Variants in ITFG1 observed in about 807,000 individuals in gnomAD.
ITFG1 encodes T-cell immunomodulatory protein.
A neutral mutation model predicts 81.8 loss-of-function variants in ITFG1; 34 were observed. That is an observed-to-expected ratio of 0.42 (90% CI 0.32 to 0.55). The LOEUF is 0.55. Ranked by LOEUF, ITFG1 falls within the 20% of genes least tolerant of loss-of-function variation. The pLI, the probability that ITFG1 is intolerant of heterozygous loss-of-function variation, is 0.17. For missense variants in ITFG1, 672 were observed against 755.4 expected (o/e 0.89, Z 1.29); for synonymous variants, 285 against 270.6 (o/e 1.05, Z -0.52).
Position 47,287,755 on chromosome 16 carries a change from T to C in ITFG1, c.1070+23485A>G, listed in dbSNP as rs143557576. 1.6e-3 allele frequency among the ~76,000 whole-genome samples: 241 copies of C among 152,278 alleles called. 1 individual carries two copies. Among genetic ancestry groups the C allele is most frequent in the African/African-American group, 5.3e-3 (222 of 41,556 alleles). ...GTGAGTGTGAAGTGGTATCTAATTG[T>C]GGTTTTGTTTTGAATTTCACGAATG... On this transcript the variant is annotated intron_variant, in intron 10 of 17. Transcript: ENST00000320640.
chr16:47,233,564 T>C (rs922758323), intron 13 of ITFG1, among the ~76,000 whole-genome samples: 5 of 152,238 alleles, frequency 3.3e-5, no homozygotes, highest in Non-Finnish European at 5.9e-5. Context: ...TTCTGAAATA[T>C]GCCCAGAGCT....
chr16:47,204,160 T>C (rs973364268), intron 14 of ITFG1, among the ~76,000 whole-genome samples: 1 of 152,148 alleles, frequency 6.6e-6, no homozygotes, highest in Admixed American at 6.5e-5. Context: ...CCAATACATA[T>C]ATTATTAGCA....
chr16:47,441,797 C>A (rs1203681312), intron 5 of ITFG1, among the ~76,000 whole-genome samples: 4 of 152,226 alleles, frequency 2.6e-5, no homozygotes, highest in South Asian at 4.2e-4. Flanking sequence ...TCTCACCACT[C>A]CTATTCAACA....
chr16:47,240,256 A>G (rs977554675), intron 12 of ITFG1, among the ~76,000 whole-genome samples: 1 of 149,290 alleles, frequency 6.7e-6, no homozygotes, highest in Non-Finnish European at 1.5e-5. Flanking sequence ...AGATCACGCT[A>G]CTGCACTCCA....
At chr16:47,186,500 AG>A (rs1366785266) in intron 14 of ITFG1, among the ~76,000 whole-genome samples, 2 of 152,234 alleles carry the variant, frequency 1.3e-5, no homozygotes, top group Non-Finnish European at 1.5e-5. Flanking sequence ...ACAGAACCAA[AG>A]ACAAAAACCA....
At chr16:47,355,260 G>A (rs1189636383) in intron 8 of ITFG1, among the ~76,000 whole-genome samples, 2 of 152,068 alleles carry the variant, frequency 1.3e-5, no homozygotes, top group African/African-American at 4.8e-5. Flanking sequence ...TGAACCTGGA[G>A]GTCATTATGT....
intron 10 of ITFG1, among the ~76,000 whole-genome samples, chr16:47,292,509 T>C (rs1005898819): frequency 2.0e-5 from 3 of 152,170 alleles, no homozygotes; most frequent in Non-Finnish European, 4.4e-5. Context: ...TGTGCAGACT[T>C]TTCTCCCTTT....
intron 8 of ITFG1, among the ~76,000 whole-genome samples, chr16:47,345,557 CA>C (rs1472423851): frequency 6.6e-6 from 1 of 152,066 alleles, no homozygotes; most frequent in Non-Finnish European, 1.5e-5. Flanking sequence ...CCTTGGCCTC[CA>C]AAAGTGCTGG....
At chr16:47,306,205 G>A (rs1967156033) in intron 10 of ITFG1, among the ~76,000 whole-genome samples, 1 of 151,960 alleles carries the variant, frequency 6.6e-6, no homozygotes, top group African/African-American at 2.4e-5. Context: ...GGAAGAAAAT[G>A]TTGAATAATC....
intron 14 of ITFG1, among the ~76,000 whole-genome samples, chr16:47,213,646 T>C (rs1965591513): frequency 6.6e-6 from 1 of 152,158 alleles, no homozygotes; most frequent in African/African-American, 2.4e-5. Flanking sequence ...TGATTACTAA[T>C]GGCCAGTAAT....
intron 10 of ITFG1, among the ~76,000 whole-genome samples, chr16:47,291,849 C>T (rs764844408): frequency 4.0e-5 from 6 of 151,848 alleles, no homozygotes; most frequent in Admixed American, 2.6e-4. Context: ...ATCTAAGTCT[C>T]GTATTGTTTT....
At chr16:47,375,576 G>T (rs1169611960) in intron 7 of ITFG1, among the ~76,000 whole-genome samples, 2 of 152,080 alleles carry the variant, frequency 1.3e-5, no homozygotes, top group Non-Finnish European at 2.9e-5. Context: ...CAAATTAAAT[G>T]ACAGTAACTC....
rs574175519 is a variant in ITFG1, at chr16:47,197,343, G to C, written c.1453+21525C>G. On this transcript the variant is annotated intron_variant, in intron 14 of 17. Transcript: ENST00000320640. ...CACAATCCCCCTTCTCTTAACTCAA[G>C]CCTTTCTTTCTACTAAGTTTTTAGC... Among the ~76,000 whole-genome samples the C allele has an allele frequency of 3.2e-4, 49 of 152,206 alleles. 2 individuals carry two copies. In the South Asian group the frequency reaches 9.6e-3, roughly 30 times the overall value.
At chr16:47,224,807 T>C (rs770068987) in intron 13 of ITFG1, among the ~76,000 whole-genome samples, 6 of 152,134 alleles carry the variant, frequency 3.9e-5, no homozygotes, top group Non-Finnish European at 8.8e-5. Context: ...TCACCAGTCT[T>C]GGCAATATGG....
intron 14 of ITFG1, among the ~76,000 whole-genome samples, chr16:47,182,057 G>A (rs1348555886): frequency 1.3e-5 from 2 of 151,884 alleles, no homozygotes; most frequent in African/African-American, 4.8e-5. Flanking sequence ...AAGGCCACAG[G>A]GTCCTCTGCC....
chr16:47,285,558 T>C (rs1966866623), intron 10 of ITFG1, among the ~76,000 whole-genome samples: 1 of 152,172 alleles, frequency 6.6e-6, no homozygotes, highest in African/African-American at 2.4e-5. Context: ...GGCAGTGGTC[T>C]TGGGGATTGA....
chr16:47,402,298 T>C (rs1342281626), intron 6 of ITFG1, among the ~76,000 whole-genome samples: 1 of 152,248 alleles, frequency 6.6e-6, no homozygotes, highest in African/African-American at 2.4e-5. Flanking sequence ...TTTATATGTC[T>C]ATAAGTATAT....
intron 10 of ITFG1, among the ~76,000 whole-genome samples, chr16:47,278,652 GA>G (rs1467984760): frequency 3.3e-5 from 5 of 151,882 alleles, no homozygotes; most frequent in South Asian, 2.1e-4. Context: ...TTTCTGTATA[GA>G]AAAAAAAGTT....
intron 14 of ITFG1, among the ~76,000 whole-genome samples, chr16:47,175,912 G>C (rs1047185818): frequency 2.6e-5 from 4 of 152,106 alleles, no homozygotes; most frequent in African/African-American, 9.7e-5. Context: ...CACTGTGCCC[G>C]GCTAATGTTT....
Sources: gnomAD v4.1 joint callset for allele counts (sites outside exome capture counted in the v4.1 genomes callset) on GRCh38, gnomAD v4.1.1 for gene constraint, MANE v1.5 for transcripts, NCBI Gene and HGNC (gene_info 2026-07-23, HGNC 2026-07-21) for gene names.